The following TRIP12 variants were observed in gnomAD, a reference collection of about 807,000 sequenced individuals.
TRIP12 encodes thyroid hormone receptor interactor 12.
TRIP12 carries 25 observed loss-of-function variants against 244.2 expected under a neutral mutation model. The ratio of observed to expected loss-of-function variants is 0.10; its 90% confidence interval spans 0.07 to 0.14. The LOEUF is 0.14. TRIP12 is among the 10% of genes least tolerant of loss of function. TRIP12 has a pLI of 1.00. For missense variants in TRIP12, 1,677 were observed against 2,486.4 expected, an observed-to-expected ratio of 0.67 and a Z score of 6.92; for synonymous variants, 905 against 873.1, an observed-to-expected ratio of 1.04 and a Z score of -0.64.
At chr2:229,769,154 C>A in intron 40 of TRIP12, 77 bp downstream of exon 40, 1 of 1,233,162 alleles carries the variant, frequency 8.1e-7, no homozygotes, top group South Asian at 1.4e-5. Flanking sequence ...TACACATGTG[C>A]GCATGTGTGT....
rs1240997708 is a variant in TRIP12, at chr2:229,764,557, G to A, written c.*2997C>T. On this transcript the variant is annotated 3_prime_UTR_variant, in exon 42 of 42. Transcript: ENST00000675903. ...CTCCACTCTCATTTCCTGAGCTCAC[G>A]CTCACAGACAGGAGTCGAGAGTACA... 2.0e-5 allele frequency: 3 copies of A among 152,108 alleles called. No individual in the cohort carries two copies. The highest frequency in any genetic ancestry group is 4.4e-5 in the Non-Finnish European group (3 of 68,016). 9.4% of individuals were successfully genotyped at this position (152,108 alleles called of 1,614,324 possible). A position where few individuals can be genotyped will look rare whatever the true frequency, so the allele number is the denominator to read the frequency against.
chr2:229,917,798 C>A (rs1349433592), intron 1 of TRIP12, among the ~76,000 whole-genome samples: 1 of 152,214 alleles, frequency 6.6e-6, no homozygotes, highest in African/African-American at 2.4e-5. Context: ...TCAAGCAATA[C>A]TTCCGCTTCA....
At chr2:229,904,006 C>T (rs994966868) in intron 1 of TRIP12, among the ~76,000 whole-genome samples, 6 of 149,950 alleles carry the variant, frequency 4.0e-5, no homozygotes, top group Non-Finnish European at 5.9e-5. Flanking sequence ...ACTGCACTCC[C>T]GCCTGGGCAA....
At chr2:229,903,298 A>G (rs949424695) in intron 1 of TRIP12, among the ~76,000 whole-genome samples, 4 of 151,962 alleles carry the variant, frequency 2.6e-5, no homozygotes, top group African/African-American at 9.7e-5. Flanking sequence ...CAAACGAACC[A>G]TGTCGTGCAA....
intron 1 of TRIP12, among the ~76,000 whole-genome samples, chr2:229,918,196 A>G (rs2075862609): frequency 6.6e-6 from 1 of 152,240 alleles, no homozygotes; most frequent in African/African-American, 2.4e-5. Flanking sequence ...TGTTCTTCAC[A>G]TCCTTTATCT....
rs548647454 is a variant in TRIP12 at position 229,910,542 on chromosome 2, G to A, written c.-50+11338C>T. 7.9e-5 allele frequency among the ~76,000 whole-genome samples: 12 copies of A among 152,312 alleles called. No homozygotes were observed. The South Asian group carries it at 2.3e-3, about 29-fold the overall frequency. ...CACAATGAAGATATAAAATGATGGTGTATTAGCTCTTCAGTAATTCCTTTC... is the reference window on the plus strand; with the variant it reads ...CACAATGAAGATATAAAATGATGGTATATTAGCTCTTCAGTAATTCCTTTC... On this transcript the variant is annotated intron_variant, in intron 1 of 41. Transcript: ENST00000675903.
intron 1 of TRIP12, 87 bp downstream of exon 1, chr2:229,921,793 C>G (rs1426159959): frequency 6.7e-6 from 1 of 150,094 alleles, no homozygotes; most frequent in Non-Finnish European, 1.5e-5. Context: ...ACTTTCTGTT[C>G]CAGCTCCTCC....
At chr2:229,899,313 C>G (rs2069892443) in intron 1 of TRIP12, among the ~76,000 whole-genome samples, 1 of 152,108 alleles carries the variant, frequency 6.6e-6, no homozygotes, top group African/African-American at 2.4e-5. Context: ...GAAGTAGAAA[C>G]AGGAGGTACT....
intron 1 of TRIP12, among the ~76,000 whole-genome samples, chr2:229,910,455 A>T (rs1030959445): frequency 6.6e-6 from 1 of 152,234 alleles, no homozygotes; most frequent in Admixed American, 6.5e-5. Context: ...TCCAGCAAAC[A>T]TAAGTTTACC....
chr2:229,875,920 C>T (rs752413924), intron 2 of TRIP12, among the ~76,000 whole-genome samples: 77 of 152,146 alleles, frequency 5.1e-4, no homozygotes, highest in Admixed American at 6.6e-5. Flanking sequence ...CCAAAACTCC[C>T]TGGAAAGGTT....
chr2:229,770,232 G>A (rs13015202), intron 39 of TRIP12, among the ~76,000 whole-genome samples: 39,243 of 152,066 alleles, frequency 0.26, 6,159 homozygotes, highest in Middle Eastern at 0.44. Context: ...ATCTCCCAAA[G>A]TGCTGGGATT....
At chr2:229,807,922 G>A in intron 16 of TRIP12, 58 bp from the exon 17 acceptor site, 1 of 1,501,054 alleles carries the variant, frequency 6.7e-7, no homozygotes, top group African/African-American at 1.4e-5. Context: ...TAAACGTTAG[G>A]TCTCTAAAGA....
chr2:229,917,157 G>T (rs2075584184), intron 1 of TRIP12, among the ~76,000 whole-genome samples: 1 of 151,914 alleles, frequency 6.6e-6, no homozygotes, highest in Admixed American at 6.6e-5. Flanking sequence ...AAGGCGGGTG[G>T]ATCACGAGGT....
At chr2:229,831,866 TTTTTTTTGTTTGTTTTTTGGG>T (rs1343554957) in intron 6 of TRIP12, among the ~76,000 whole-genome samples, 6 of 90,050 alleles carry the variant, frequency 6.7e-5, no homozygotes, top group Admixed American at 4.0e-4. Flanking sequence ...AGGTCAAAGG[TTTTTTTTGTTTGTTTTTTGGG>T]TTTTTTTTTT....
rs763265275 is a variant in TRIP12, at chr2:229,799,352, G to A, written c.3238C>T (p.Leu1080=). 1.4e-5 allele frequency: 22 copies of A among 1,614,038 alleles called. No individual in the cohort carries two copies. The highest frequency in any genetic ancestry group is 1.8e-5 in the Non-Finnish European group (21 of 1,180,038). ...RLSDVLKRKR[L]PKRGPRRPKY... is the part of the protein sequence containing the mutation. ...GGCCTTCTTGGCCCTCGTTTTGGCA[G>A]TCGTTTTCTCTTTAGAACATCACTT... The change falls in exon 22 of 42, where the codon CTG becomes TTG. Residue 1080 remains leucine, a synonymous_variant. Transcript: ENST00000675903.
intron 8 of TRIP12, among the ~76,000 whole-genome samples, chr2:229,821,809 T>C (rs544099266): frequency 3.3e-5 from 5 of 152,116 alleles, no homozygotes; most frequent in Non-Finnish European, 7.4e-5. Context: ...TGAAATCAAC[T>C]GGCCCACAGA....
intron 5 of TRIP12, among the ~76,000 whole-genome samples, chr2:229,837,216 G>T (rs943690967): frequency 6.6e-6 from 1 of 152,272 alleles, no homozygotes; most frequent in African/African-American, 2.4e-5. Context: ...GTGAGCTGTT[G>T]TCATCCTCAG....
At chr2:229,910,730 G>T (rs1482635469) in intron 1 of TRIP12, among the ~76,000 whole-genome samples, 1 of 152,056 alleles carries the variant, frequency 6.6e-6, no homozygotes. Flanking sequence ...GTTCATAGCA[G>T]CAACTGGAAA....
At chr2:229,851,233 C>A (rs535869103) in intron 4 of TRIP12, among the ~76,000 whole-genome samples, 3 of 151,874 alleles carry the variant, frequency 2.0e-5, no homozygotes, top group Non-Finnish European at 4.4e-5. Flanking sequence ...GATTGTAAAT[C>A]GGCACTCTGT....
Sources: allele counts gnomAD v4.1 joint callset (sites outside exome capture counted in the v4.1 genomes callset), GRCh38; gene constraint gnomAD v4.1.1; transcripts MANE v1.5; gene names NCBI Gene and HGNC (gene_info 2026-07-23, HGNC 2026-07-21).